Variants in CAMTA1 observed in about 807,000 individuals in gnomAD.
CAMTA1 encodes the protein calmodulin-binding transcription activator 1.
CAMTA1 carries 27 observed loss-of-function variants against 170.9 expected under a neutral mutation model. The ratio of observed to expected loss-of-function variants is 0.16; its 90% CI spans 0.12 to 0.22. CAMTA1 has a LOEUF of 0.22. Among genes scored for constraint, CAMTA1 ranks in the 10% least tolerant of loss-of-function variants. CAMTA1 has a pLI of 1.00. For missense variants in CAMTA1, 1,619 were observed against 2,217.2 expected (o/e 0.73, Z 5.42); for synonymous variants, 833 against 891.5 (o/e 0.93, Z 1.17).
intron 5 of CAMTA1, among the ~76,000 whole-genome samples, chr1:7,254,598 G>A (rs982317805): frequency 1.3e-5 from 2 of 152,166 alleles, no homozygotes; most frequent in African/African-American, 4.8e-5. Flanking sequence ...GTGGTAATGA[G>A]GTTATGTTTT....
At chr1:7,596,200 G>A (rs376297121) in intron 6 of CAMTA1, among the ~76,000 whole-genome samples, 33 of 152,340 alleles carry the variant, frequency 2.2e-4, no homozygotes, top group African/African-American at 7.7e-4. Flanking sequence ...CAGTGCCCAG[G>A]AGCCAGCTTC....
intron 5 of CAMTA1, among the ~76,000 whole-genome samples, chr1:7,400,050 G>C (rs1426900656): frequency 6.6e-6 from 1 of 152,086 alleles, no homozygotes; most frequent in African/African-American, 2.4e-5. Context: ...CTATTATTTT[G>C]TTAAATAAGA....
At chr1:7,371,827 T>G (rs2150060744) in intron 5 of CAMTA1, among the ~76,000 whole-genome samples, 1 of 152,338 alleles carries the variant, frequency 6.6e-6, no homozygotes, top group Non-Finnish European at 1.5e-5. Flanking sequence ...GAGGATGATT[T>G]TGTCCCCCCA....
rs1216523966 is a variant in CAMTA1, at chr1:7,014,392, C to A, written c.235-76912C>A. 3 of 152,418 alleles carry A rather than the reference C, an allele frequency of 2.0e-5. No individual in the cohort carries two copies. The highest frequency in any genetic ancestry group is 7.2e-5 in the African/African-American group (3 of 41,584). 9.4% of individuals were successfully genotyped at this position (152,418 alleles called of 1,614,324 possible). ...GTCCTGAGGGGGTTGGAGAGTTGGT[C>A]AACCGTGAACAAGCTGGAGACTGGC... On this transcript the variant is annotated intron_variant, in intron 3 of 22. Transcript: ENST00000303635. This position sits in a 1 kb window ranked among gnomAD's most constrained non-coding sequence, Gnocchi z 4.2.
At chr1:7,122,506 T>G (rs574772322) in intron 4 of CAMTA1, among the ~76,000 whole-genome samples, 8 of 152,220 alleles carry the variant, frequency 5.3e-5, no homozygotes, top group Non-Finnish European at 7.4e-5. Flanking sequence ...CACGTGCCCC[T>G]GAGGGATGGC....
intron 10 of CAMTA1, among the ~76,000 whole-genome samples, chr1:7,671,795 C>T (rs1053152760): frequency 2.6e-5 from 4 of 152,180 alleles, no homozygotes; most frequent in Admixed American, 2.6e-4. Context: ...AGCACGGTGT[C>T]CCTGTCTGGT....
chr1:7,475,634 G>A (rs988578086), intron 6 of CAMTA1, among the ~76,000 whole-genome samples: 21 of 152,198 alleles, frequency 1.4e-4, no homozygotes, highest in African/African-American at 4.1e-4. Context: ...GCTCACCACC[G>A]TGCATGGCTC....
At chr1:7,035,430 T>C (rs1351915668) in intron 3 of CAMTA1, among the ~76,000 whole-genome samples, 1 of 152,126 alleles carries the variant, frequency 6.6e-6, no homozygotes, top group Non-Finnish European at 1.5e-5. Context: ...TTTGATTGCT[T>C]CATTAAGGAA....
intron 5 of CAMTA1, among the ~76,000 whole-genome samples, chr1:7,442,024 G>T (rs2092554392): frequency 6.6e-6 from 1 of 152,068 alleles, no homozygotes; most frequent in African/African-American, 2.4e-5. Context: ...CTGGCTTCTG[G>T]GGGCCCCAGG....
chr1:7,315,885 T>C (rs1306948640), intron 5 of CAMTA1, among the ~76,000 whole-genome samples: 1 of 152,218 alleles, frequency 6.6e-6, no homozygotes, highest in Non-Finnish European at 1.5e-5. Context: ...ATTCTCATGC[T>C]GCTGTAAAGA....
At chr1:7,364,230 C>G (rs981383290) in intron 5 of CAMTA1, among the ~76,000 whole-genome samples, 1 of 152,158 alleles carries the variant, frequency 6.6e-6, no homozygotes, top group African/African-American at 2.4e-5. Context: ...GCGAGACCAG[C>G]GAGGTGTCTT....
chr1:7,160,716 C>T (rs1647163613), intron 4 of CAMTA1, among the ~76,000 whole-genome samples: 1 of 152,224 alleles, frequency 6.6e-6, no homozygotes, highest in African/African-American at 2.4e-5. Flanking sequence ...ACACAGTTCT[C>T]TGTCTACAGC....
At chr1:6,919,369 T>C (rs1174539915) in intron 3 of CAMTA1, among the ~76,000 whole-genome samples, 1 of 152,190 alleles carries the variant, frequency 6.6e-6, no homozygotes, top group Admixed American at 6.5e-5. Context: ...GATGGGCATG[T>C]GGGGCTGTGT....
intron 5 of CAMTA1, among the ~76,000 whole-genome samples, chr1:7,276,303 A>ATAATTTTTTTTTTTTTTTTTTTTTTTT: frequency 1.2e-4 from 3 of 24,230 alleles, no homozygotes; most frequent in African/African-American, 8.9e-4. Flanking sequence ...ATATATATAT[A>ATAATTTTTTTTTTTTTTTTTTTTTTTT]TTTTTTTTTT....
rs145982051 is a variant in CAMTA1, at chr1:7,305,698, A to G, written c.438+56072A>G. Among the ~76,000 whole-genome samples the G allele has an allele frequency of 2.9e-4, 43 of 149,794 alleles. 1 individual carries two copies. In the East Asian group the frequency reaches 8.4e-3, roughly 29 times the overall value. ...ATAGATGTTCTACAAATATTTATAT[A>G]TAGGTTTTCATGTAAACAGTTTTCA... is the stretch of plus-strand genomic sequence containing the variant. On this transcript the variant is annotated intron_variant, in intron 5 of 22. Coordinates refer to ENST00000303635, the MANE Select transcript of CAMTA1 (RefSeq NM_015215.4).
intron 6 of CAMTA1, among the ~76,000 whole-genome samples, chr1:7,492,934 C>T (rs1435395874): frequency 3.5e-5 from 4 of 113,856 alleles, no homozygotes; most frequent in East Asian, 3.5e-4. Flanking sequence ...CAAACACACA[C>T]GCACGCACAC....
intron 5 of CAMTA1, among the ~76,000 whole-genome samples, chr1:7,321,399 C>T (rs1678402100): frequency 6.6e-6 from 1 of 152,176 alleles, no homozygotes; most frequent in Admixed American, 6.5e-5. Flanking sequence ...CTCCTTCTGT[C>T]AGCCCTCCAT....
At chr1:6,952,243 A>C (rs1298586835) in intron 3 of CAMTA1, among the ~76,000 whole-genome samples, 1 of 151,770 alleles carries the variant, frequency 6.6e-6, no homozygotes, top group African/African-American at 2.4e-5. Context: ...ATCCTGGCCA[A>C]CATGGTGAAA....
At chr1:6,785,876 C>T (rs1389422301) in intron 1 of CAMTA1, among the ~76,000 whole-genome samples, 1 of 147,678 alleles carries the variant, frequency 6.8e-6, no homozygotes, top group Non-Finnish European at 1.5e-5. Context: ...GGAGGAGGAG[C>T]CGGCGGAGGG....
Sources: gnomAD v4.1 joint callset for allele counts (sites outside exome capture counted in the v4.1 genomes callset) on GRCh38, gnomAD v4.1.1 for gene constraint, Gnocchi (gnomAD v3.1) non-coding constraint, MANE v1.5 for transcripts, NCBI Gene and HGNC (gene_info 2026-07-23, HGNC 2026-07-21) for gene names.